The following SPAG16 variants were observed in gnomAD, a reference collection of about 807,000 sequenced individuals.
The protein encoded by SPAG16 is sperm associated antigen 16, also known as sperm-associated antigen 16 protein.
SPAG16 carries 86 observed loss-of-function variants against 80.4 expected under a neutral mutation model. That is an observed-to-expected ratio of 1.07 (90% confidence interval 0.90 to 1.28). The LOEUF is 1.28. Among genes scored for constraint, SPAG16 ranks in the 50% most tolerant of loss-of-function variants. The probability of loss-of-function intolerance (pLI) is 0.00; values close to 1 mark genes in which losing one functional copy is unlikely to be tolerated. For missense variants in SPAG16, 870 were observed against 765.3 expected (o/e 1.14, Z -1.61); for synonymous variants, 294 against 265.9 (o/e 1.11, Z -1.03).
At chr2:213,500,567 GGTAA>G (rs1417450877) in intron 10 of SPAG16, among the ~76,000 whole-genome samples, 4 of 152,248 alleles carry the variant, frequency 2.6e-5, no homozygotes, top group African/African-American at 9.6e-5. Context: ...GGAATTAAAT[GGTAA>G]GTGAGAGAGA....
intron 10 of SPAG16, among the ~76,000 whole-genome samples, chr2:213,592,826 A>G (rs2060749558): frequency 6.6e-6 from 1 of 152,228 alleles, no homozygotes; most frequent in South Asian, 2.1e-4. Context: ...CAGACTGAAT[A>G]TACTGTTCCT....
intron 11 of SPAG16, among the ~76,000 whole-genome samples, chr2:213,894,079 G>A (rs912217425): frequency 6.6e-6 from 1 of 152,026 alleles, no homozygotes; most frequent in East Asian, 1.9e-4. Flanking sequence ...AACTAAAAAA[G>A]AGCAGAAGTA....
At chr2:213,294,311 A>G (rs540187233) in intron 1 of SPAG16, among the ~76,000 whole-genome samples, 2 of 152,320 alleles carry the variant, frequency 1.3e-5, no homozygotes, top group South Asian at 4.1e-4. Flanking sequence ...ATACTTTGTT[A>G]GTGAAAGATA....
intron 10 of SPAG16, among the ~76,000 whole-genome samples, chr2:213,797,179 A>G (rs1359758903): frequency 1.3e-5 from 2 of 152,196 alleles, no homozygotes; most frequent in East Asian, 3.8e-4. Flanking sequence ...TTAAAAAATT[A>G]AACAGTTTAT....
At chr2:213,914,961 A>G (rs1391803739) in intron 11 of SPAG16, among the ~76,000 whole-genome samples, 1 of 152,174 alleles carries the variant, frequency 6.6e-6, no homozygotes, top group Non-Finnish European at 1.5e-5. Flanking sequence ...CACTGCTGAT[A>G]AAGAAATACC....
At chr2:213,875,231 A>G (rs1365818) in intron 11 of SPAG16, among the ~76,000 whole-genome samples, 90,283 of 151,842 alleles carry the variant, frequency 0.59, 28,719 homozygotes, top group South Asian at 0.85. Flanking sequence ...CCCAATTTTA[A>G]TGATAAATTA....
intron 10 of SPAG16, among the ~76,000 whole-genome samples, chr2:213,515,779 C>T (rs973255558): frequency 1.3e-5 from 2 of 152,200 alleles, no homozygotes; most frequent in South Asian, 4.2e-4. Context: ...TTCCCTTTAC[C>T]TTCAGATAAT....
intron 10 of SPAG16, among the ~76,000 whole-genome samples, chr2:213,588,566 G>T (rs1315649604): frequency 6.6e-6 from 1 of 151,200 alleles, no homozygotes; most frequent in East Asian, 1.9e-4. Context: ...ACTTTGGGAG[G>T]CCGAGGCGGG....
chr2:213,829,824 C>T (rs1477450246), intron 10 of SPAG16, among the ~76,000 whole-genome samples: 1 of 152,096 alleles, frequency 6.6e-6, no homozygotes, highest in African/African-American at 2.4e-5. Context: ...GAATAAGGGC[C>T]TCATGACTTT....
chr2:213,406,995 T>G (rs1029990611), intron 9 of SPAG16, among the ~76,000 whole-genome samples: 9 of 147,998 alleles, frequency 6.1e-5, no homozygotes, highest in African/African-American at 2.2e-4. Flanking sequence ...CTTAAAGGAC[T>G]CTCACATACT....
intron 15 of SPAG16, among the ~76,000 whole-genome samples, chr2:214,329,004 T>C (rs1420133702): frequency 6.6e-6 from 1 of 152,204 alleles, no homozygotes; most frequent in Non-Finnish European, 1.5e-5. Context: ...GAAGCTAAGT[T>C]ACTTGATTAG....
chr2:213,833,457 TATA>T (rs1222670893), intron 10 of SPAG16, among the ~76,000 whole-genome samples: 2 of 1,392 alleles, frequency 1.4e-3, no homozygotes, highest in African/African-American at 3.8e-3. Context: ...ATATATATTA[TATA>T]TATATTATAT....
In SPAG16 at chr2:213,438,586, CT is replaced by C. The variant is rs200690373; in HGVS notation, c.943-51376del. Among the ~76,000 whole-genome samples the C allele has an allele frequency of 8.7e-3, 1,320 of 152,342 alleles. 20 individuals are homozygous for C. The highest frequency in any genetic ancestry group is 0.03 in the African/African-American group (1,232 of 41,582). On this transcript the variant is annotated intron_variant, in intron 9 of 15. Transcript: ENST00000331683. ...GGTTCTTTACAGAAGATGTTTACTACTGTTCTAGGTAGAGTTCAAAGATGAT... is the reference window on the plus strand; with the variant it reads ...GGTTCTTTACAGAAGATGTTTACTACGTTCTAGGTAGAGTTCAAAGATGAT...
At chr2:213,489,126 GATAA>G (rs1293504208) in intron 9 of SPAG16, among the ~76,000 whole-genome samples, 8 of 150,946 alleles carry the variant, frequency 5.3e-5, no homozygotes, top group Non-Finnish European at 1.2e-4. Context: ...TAATGTTTGA[GATAA>G]ATAATTTTTG....
At chr2:214,027,536 A>G (rs1024844145) in intron 13 of SPAG16, among the ~76,000 whole-genome samples, 6 of 151,732 alleles carry the variant, frequency 4.0e-5, no homozygotes, top group Non-Finnish European at 1.5e-5. Context: ...TGCATTTTTA[A>G]AAAGCATTTA....
intron 14 of SPAG16, among the ~76,000 whole-genome samples, chr2:214,133,675 AAATAAAT>A (rs2054902433): frequency 6.6e-6 from 1 of 152,102 alleles, no homozygotes; most frequent in Non-Finnish European, 1.5e-5. Context: ...TAATAAAATA[AAATAAAT>A]AATAAAATGG....
chr2:213,736,689 G>A lies in SPAG16; in HGVS notation c.1071-125796G>A, dbSNP rs183451413. Among the ~76,000 whole-genome samples, 343 of 144,476 alleles carry A rather than the reference G, an allele frequency of 2.4e-3. 3 individuals carry two copies. The highest frequency in any genetic ancestry group is 8.2e-3 in the African/African-American group (329 of 40,126). 94.8% of individuals were successfully genotyped at this position (144,476 alleles called of 152,430 possible). ...ATAGAAATTAATCTAATTGATGTGT[G>A]CATATATTTTTAAATAATTTTTTTT... On this transcript the variant is annotated intron_variant, in intron 10 of 15. Transcript: ENST00000331683.
chr2:213,620,170 G>A (rs1279856952), intron 10 of SPAG16, among the ~76,000 whole-genome samples: 2 of 151,346 alleles, frequency 1.3e-5, no homozygotes, highest in Non-Finnish European at 2.9e-5. Context: ...TTAGGGAAGA[G>A]GGAAAGAAAA....
rs111759477 is a variant in SPAG16 at position 214,217,562 on chromosome 2, A to C, written c.1720+68296A>C. Among the ~76,000 whole-genome samples, 530 of 152,182 alleles carry C rather than the reference A, an allele frequency of 3.5e-3. 3 individuals carry two copies. Among genetic ancestry groups the C allele is most frequent in the African/African-American group, 0.012 (515 of 41,514 alleles). On this transcript the variant is annotated intron_variant, in intron 15 of 15. Coordinates refer to ENST00000331683, the MANE Select transcript of SPAG16 (RefSeq NM_024532.5). Reference sequence around the variant, plus strand: ...TTATTTTATGAAAGTTTATCCCACCACTCTTAAGAGTACTTAATAAACACA... The same window carrying C: ...TTATTTTATGAAAGTTTATCCCACCCCTCTTAAGAGTACTTAATAAACACA...
Sources: allele counts gnomAD v4.1 joint callset (sites outside exome capture counted in the v4.1 genomes callset), GRCh38; gene constraint gnomAD v4.1.1; transcripts MANE v1.5; gene names NCBI Gene and HGNC (gene_info 2026-07-23, HGNC 2026-07-21).